The following EPB41L2 variants were observed in gnomAD, a reference collection of about 807,000 sequenced individuals.
The protein encoded by EPB41L2 is band 4.1-like protein 2.
Under a neutral mutation model 113.0 loss-of-function variants are expected in EPB41L2, and 43 were observed. The observed-to-expected ratio is 0.38, with a 90% CI of 0.30 to 0.49. The LOEUF (loss-of-function observed/expected upper bound fraction) is 0.49. EPB41L2 is among the 20% of genes least tolerant of loss of function. EPB41L2 has a pLI of 0.95. For synonymous variants in EPB41L2, 442 were observed against 436.7 expected, an observed-to-expected ratio of 1.01 and a Z score of -0.15; for missense variants, 1,147 against 1,223.4, an observed-to-expected ratio of 0.94 and a Z score of 0.93.
In EPB41L2 at chr6:130,890,581, T is replaced by C. The variant is rs147135728; in HGVS notation, c.1488-115A>G. On this transcript the variant is annotated intron_variant, in intron 10 of 19. Transcript: ENST00000337057. ...GTACTTTCATATCTCATTTTAAGTA[T>C]GATTACTCAAAAACTAAACTTTCTA... The C allele has an allele frequency of 3.8e-3, 4,671 of 1,224,960 alleles. 15 individuals carry two copies. Among genetic ancestry groups the C allele is most frequent in the Middle Eastern group, 0.013 (45 of 3,454 alleles). The allele number at this position is 1,224,960 out of a possible 1,614,324, so 75.9% of individuals were successfully genotyped here.
intron 3 of EPB41L2, among the ~76,000 whole-genome samples, chr6:130,936,784 A>G (rs147168510): frequency 6.6e-6 from 1 of 152,330 alleles, no homozygotes; most frequent in African/African-American, 2.4e-5. Context: ...AACCAAATTC[A>G]GCTATCGATT....
chr6:130,920,887 G>C (rs772532473), intron 4 of EPB41L2, among the ~76,000 whole-genome samples: 1 of 151,948 alleles, frequency 6.6e-6, no homozygotes, highest in Non-Finnish European at 1.5e-5. Flanking sequence ...GCTTACAAAC[G>C]TGTCCAACTT....
chr6:130,968,716 G>A (rs192010126), intron 1 of EPB41L2, among the ~76,000 whole-genome samples: 51 of 149,720 alleles, frequency 3.4e-4, no homozygotes, highest in Middle Eastern at 3.4e-3. Context: ...ATGCCATTTG[G>A]AGTGCTATAA....
chr6:131,012,177 G>A (rs1317063502), intron 1 of EPB41L2, among the ~76,000 whole-genome samples: 1 of 151,678 alleles, frequency 6.6e-6, no homozygotes, highest in African/African-American at 2.4e-5. Context: ...TGCACTCCAG[G>A]CTGGGCAACT....
intron 10 of EPB41L2, among the ~76,000 whole-genome samples, chr6:130,891,191 T>A (rs948979057): frequency 6.6e-6 from 1 of 152,232 alleles, no homozygotes; most frequent in African/African-American, 2.4e-5. Context: ...GGAAGACTTT[T>A]GTTGACAACT....
chr6:131,035,732 C>T (rs943043206), intron 1 of EPB41L2, among the ~76,000 whole-genome samples: 3 of 152,158 alleles, frequency 2.0e-5, no homozygotes, highest in Non-Finnish European at 4.4e-5. Context: ...TAAATTTCAG[C>T]TTCCTTACTT....
chr6:130,863,996 T>G (rs1012865373), intron 17 of EPB41L2, among the ~76,000 whole-genome samples: 10 of 152,252 alleles, frequency 6.6e-5, no homozygotes, highest in African/African-American at 2.4e-4. Flanking sequence ...CTGTCCCATC[T>G]TAATCTCACT....
chr6:130,880,381 T>C, intron 12 of EPB41L2, 175 bp from the exon 13 acceptor site: 1 of 616,810 alleles, frequency 1.6e-6, no homozygotes, highest in South Asian at 2.0e-5. Context: ...ACCCTGAGAG[T>C]GGACCCTCCC....
In EPB41L2 at chr6:131,012,415, T is replaced by C. The variant is rs991060684; in HGVS notation, c.-15+50740A>G. ...AGCAGCATGGCGGGCTACCACATACTAGATACCACTAGCACACCTTCAAGT... is the reference window on the plus strand; with the variant it reads ...AGCAGCATGGCGGGCTACCACATACCAGATACCACTAGCACACCTTCAAGT... On this transcript the variant is annotated intron_variant, in intron 1 of 19. Transcript: ENST00000337057. Among the ~76,000 whole-genome samples, 5 of 146,686 alleles carry C rather than the reference T, an allele frequency of 3.4e-5. No homozygotes were observed. The South Asian group carries it at 1.1e-3, about 34-fold the overall frequency.
chr6:130,966,739 G>A lies in EPB41L2; in HGVS notation c.-14-10240C>T, dbSNP rs192874412. Among the ~76,000 whole-genome samples the A allele has an allele frequency of 1.3e-5, 2 of 152,264 alleles. 1 individual carries two copies. Among genetic ancestry groups the A allele is most frequent in the East Asian group, 3.9e-4 (2 of 5,172 alleles). Reference sequence around the variant, plus strand: ...AATATTTATGCATTAAGTGAACCCAGCTTGGTTAGCCAGCTTCCTTGGAGA... The same window carrying A: ...AATATTTATGCATTAAGTGAACCCAACTTGGTTAGCCAGCTTCCTTGGAGA... On this transcript the variant is annotated intron_variant, in intron 1 of 19. Coordinates refer to ENST00000337057, the MANE Select transcript of EPB41L2 (RefSeq NM_001431.4).
At chr6:131,026,079 T>C (rs1431038628) in intron 1 of EPB41L2, among the ~76,000 whole-genome samples, 3 of 152,060 alleles carry the variant, frequency 2.0e-5, no homozygotes, top group Admixed American at 1.3e-4. Flanking sequence ...CAGCCAGCAA[T>C]GAGGAAAGAC....
chr6:130,958,879 A>T (rs1158765432), intron 1 of EPB41L2, among the ~76,000 whole-genome samples: 1 of 152,220 alleles, frequency 6.6e-6, no homozygotes, highest in East Asian at 1.9e-4. Flanking sequence ...GAAGTAGAGG[A>T]GAAATGTAAT....
chr6:130,939,725 A>G (rs1810141231), intron 3 of EPB41L2, among the ~76,000 whole-genome samples: 1 of 152,212 alleles, frequency 6.6e-6, no homozygotes, highest in African/African-American at 2.4e-5. Context: ...ACAATGAACT[A>G]TGTCAAAACA....
chr6:131,057,082 A>C (rs1797747096), intron 1 of EPB41L2, among the ~76,000 whole-genome samples: 2 of 152,182 alleles, frequency 1.3e-5, no homozygotes, highest in Non-Finnish European at 2.9e-5. Flanking sequence ...AAAAAGAGAA[A>C]AACAAAATAC....
chr6:130,998,873 C>G (rs1783724624), intron 1 of EPB41L2, among the ~76,000 whole-genome samples: 1 of 152,136 alleles, frequency 6.6e-6, no homozygotes, highest in South Asian at 2.1e-4. Flanking sequence ...ACCTCAGTGA[C>G]TCCACTGAGA....
At chr6:130,911,203 G>A (rs1183811914) in intron 4 of EPB41L2, among the ~76,000 whole-genome samples, 1 of 152,062 alleles carries the variant, frequency 6.6e-6, no homozygotes, top group Non-Finnish European at 1.5e-5. Context: ...CCATAAAAAA[G>A]GATGAGTTCA....
chr6:130,910,949 T>C (rs1055039147), intron 4 of EPB41L2, among the ~76,000 whole-genome samples: 10 of 152,152 alleles, frequency 6.6e-5, no homozygotes, highest in African/African-American at 2.4e-4. Context: ...AGTTCAACCA[T>C]TGTGGAAGAC....
rs561105751 is a variant in EPB41L2, at chr6:130,916,461, C to T, written c.811-7598G>A. Reference sequence around the variant, plus strand: ...AAAAGCTTAATTATGAATCCTAATACTGTATTTATATTCATAGAATACCAG... The same window carrying T: ...AAAAGCTTAATTATGAATCCTAATATTGTATTTATATTCATAGAATACCAG... On this transcript the variant is annotated intron_variant, in intron 4 of 19. Coordinates refer to ENST00000337057, the MANE Select transcript of EPB41L2 (RefSeq NM_001431.4). Among the ~76,000 whole-genome samples the T allele has an allele frequency of 9.2e-5, 14 of 152,256 alleles. 1 individual carries two copies. The South Asian group carries it at 2.7e-3, about 29-fold the overall frequency.
chr6:130,849,213 G>A (rs1778029653), intron 19 of EPB41L2, among the ~76,000 whole-genome samples: 1 of 152,140 alleles, frequency 6.6e-6, no homozygotes, highest in Non-Finnish European at 1.5e-5. Flanking sequence ...GTAACCACAG[G>A]GAGAGCAGGC....
Sources: gnomAD v4.1 joint callset for allele counts (sites outside exome capture counted in the v4.1 genomes callset) on GRCh38, gnomAD v4.1.1 for gene constraint, MANE v1.5 for transcripts, NCBI Gene and HGNC (gene_info 2026-07-23, HGNC 2026-07-21) for gene names.